The following VWA8 variants were observed in gnomAD, a reference collection of about 807,000 sequenced individuals.
The protein encoded by VWA8 is von Willebrand factor A domain containing 8, also known as von Willebrand factor A domain-containing protein 8.
VWA8 carries 221 observed loss-of-function variants against 241.5 expected under a neutral mutation model. That is an observed-to-expected ratio of 0.91 (90% CI 0.82 to 1.02). The LOEUF (loss-of-function observed/expected upper bound fraction) is 1.02, where lower values mean the gene tolerates loss of function less well. Ranked by LOEUF, VWA8 falls within the 50% of genes least tolerant of loss-of-function variation. The probability of loss-of-function intolerance (pLI) is 0.00; values close to 1 mark genes in which losing one functional copy is unlikely to be tolerated. For missense variants in VWA8, 2,322 were observed against 2,328.7 expected (o/e 1.00, Z 0.06); for synonymous variants, 852 against 827.1 (o/e 1.03, Z -0.52).
chr13:41,824,511 A>T (rs1460763314), intron 14 of VWA8, among the ~76,000 whole-genome samples: 2 of 152,112 alleles, frequency 1.3e-5, no homozygotes, highest in East Asian at 3.9e-4. Flanking sequence ...ACAAAACTAG[A>T]TTGGAAAGTG....
chr13:41,640,135 A>G (rs1439609624), intron 37 of VWA8, among the ~76,000 whole-genome samples: 2 of 152,188 alleles, frequency 1.3e-5, no homozygotes, highest in Non-Finnish European at 2.9e-5. Flanking sequence ...GATACAAAAG[A>G]CAGATAATTA....
At chr13:41,692,718 T>TA in intron 30 of VWA8, 144 bp downstream of exon 30, 1 of 566,218 alleles carries the variant, frequency 1.8e-6, no homozygotes, top group Non-Finnish European at 3.1e-6. Context: ...TATATCATGT[T>TA]AAAATCTATA....
At chr13:41,822,364 G>A (rs907898822) in intron 14 of VWA8, among the ~76,000 whole-genome samples, 5 of 152,156 alleles carry the variant, frequency 3.3e-5, no homozygotes, top group African/African-American at 9.7e-5. Flanking sequence ...CAATACTAAT[G>A]TTCCAATTTA....
chr13:41,622,118 A>G (rs920699587), intron 37 of VWA8, among the ~76,000 whole-genome samples: 1 of 152,174 alleles, frequency 6.6e-6, no homozygotes, highest in African/African-American at 2.4e-5. Flanking sequence ...TCACAGGAAT[A>G]TAGTTCTTTA....
intron 37 of VWA8, among the ~76,000 whole-genome samples, chr13:41,615,835 T>G (rs2044617363): frequency 6.6e-6 from 1 of 152,232 alleles, no homozygotes; most frequent in Non-Finnish European, 1.5e-5. Flanking sequence ...CACAGAAATT[T>G]CAATCCTAGT....
At chr13:41,741,349 C>T (rs1566437246) in intron 21 of VWA8, among the ~76,000 whole-genome samples, 1 of 152,164 alleles carries the variant, frequency 6.6e-6, no homozygotes, top group Non-Finnish European at 1.5e-5. Flanking sequence ...TTGTGTGCAC[C>T]TTTTCTCCTT....
At chr13:41,679,636 A>G (rs951413807) in intron 35 of VWA8, among the ~76,000 whole-genome samples, 6 of 152,168 alleles carry the variant, frequency 3.9e-5, no homozygotes, top group Non-Finnish European at 7.4e-5. Context: ...AATAAAAGCT[A>G]CCTCATTATT....
intron 9 of VWA8, among the ~76,000 whole-genome samples, chr13:41,881,265 C>T (rs902968655): frequency 4.3e-4 from 65 of 150,010 alleles, no homozygotes; most frequent in South Asian, 4.2e-4. Context: ...CCAGGCTCAT[C>T]TTCTGCATTC....
At chr13:41,687,261 T>G (rs183885598) in intron 34 of VWA8, among the ~76,000 whole-genome samples, 7 of 152,296 alleles carry the variant, frequency 4.6e-5, no homozygotes, top group Admixed American at 4.6e-4. Context: ...TTACCATGTT[T>G]AATAGAATGG....
chr13:41,574,417 CAT>C (rs1255779629), intron 43 of VWA8, among the ~76,000 whole-genome samples: 4 of 146,938 alleles, frequency 2.7e-5, no homozygotes, highest in Non-Finnish European at 4.5e-5. Flanking sequence ...TGAAAGAAAT[CAT>C]AGATGACACA....
At chr13:41,714,440 G>T (rs1679341812) in intron 26 of VWA8, among the ~76,000 whole-genome samples, 1 of 151,962 alleles carries the variant, frequency 6.6e-6, no homozygotes, top group South Asian at 2.1e-4. Context: ...CCTAGAGAAG[G>T]CAGGGAGAGA....
chr13:41,940,300 T>C (rs1313040506), intron 2 of VWA8, among the ~76,000 whole-genome samples: 1 of 152,158 alleles, frequency 6.6e-6, no homozygotes, highest in East Asian at 1.9e-4. Flanking sequence ...ATTAAATATC[T>C]AAAAAGCAAT....
At chr13:41,952,922 C>A (rs373668022) in intron 1 of VWA8, among the ~76,000 whole-genome samples, 1 of 151,932 alleles carries the variant, frequency 6.6e-6, no homozygotes, top group Non-Finnish European at 1.5e-5. Context: ...AAGTCATTAC[C>A]GCCCCTAGGC....
chr13:41,787,778 T>C lies in VWA8; in HGVS notation c.2064-235A>G, dbSNP rs73183382. Among the ~76,000 whole-genome samples, 181 of 152,310 alleles carry C rather than the reference T, an allele frequency of 1.2e-3. 1 individual carries two copies. Among genetic ancestry groups the C allele is most frequent in the Admixed American group, 2.6e-3 (39 of 15,286 alleles). On this transcript the variant is annotated intron_variant, in intron 17 of 44. Coordinates refer to ENST00000379310, the MANE Select transcript of VWA8 (RefSeq NM_015058.2). ...ATCTCCTTTAATAAGTAAAACTTAT[T>C]TGTAATTAGCAGTACTGATTTATGT...
chr13:41,596,828 C>T (rs953893596), intron 40 of VWA8, among the ~76,000 whole-genome samples: 1 of 148,858 alleles, frequency 6.7e-6, no homozygotes, highest in African/African-American at 2.5e-5. Context: ...CACACACACA[C>T]ACACATCTGT....
At chr13:41,871,793 T>C (rs971061973) in intron 9 of VWA8, among the ~76,000 whole-genome samples, 2 of 152,188 alleles carry the variant, frequency 1.3e-5, no homozygotes, top group Non-Finnish European at 2.9e-5. Context: ...TATAGCAGCA[T>C]GATTTATAGT....
intron 42 of VWA8, among the ~76,000 whole-genome samples, chr13:41,586,421 T>G (rs1290700049): frequency 1.3e-5 from 2 of 152,206 alleles, no homozygotes; most frequent in Admixed American, 1.3e-4. Context: ...AGTCCATGTC[T>G]TATTTGTATT....
At chr13:41,714,256 C>A (rs1234915584) in intron 26 of VWA8, among the ~76,000 whole-genome samples, 1 of 151,568 alleles carries the variant, frequency 6.6e-6, no homozygotes, top group Non-Finnish European at 1.5e-5. Flanking sequence ...TAAATAATAG[C>A]TAGTTTGCTA....
intron 12 of VWA8, among the ~76,000 whole-genome samples, chr13:41,852,297 T>G (rs987587703): frequency 5.9e-5 from 9 of 152,190 alleles, no homozygotes; most frequent in Non-Finnish European, 1.2e-4. Flanking sequence ...CTGGGTTGTT[T>G]TATTGCTACT....
Sources: gnomAD v4.1 joint callset for allele counts (sites outside exome capture counted in the v4.1 genomes callset) on GRCh38, gnomAD v4.1.1 for gene constraint, MANE v1.5 for transcripts, NCBI Gene and HGNC (gene_info 2026-07-23, HGNC 2026-07-21) for gene names.